The following NACC1 variants were observed in gnomAD, a reference collection of about 807,000 sequenced individuals.
NACC1 encodes the protein nucleus accumbens associated 1, also known as nucleus accumbens-associated protein 1.
NACC1 carries 6 observed loss-of-function variants against 41.7 expected under a neutral mutation model. The ratio of observed to expected loss-of-function variants is 0.14; its 90% CI spans 0.08 to 0.28. The LOEUF (loss-of-function observed/expected upper bound fraction) is 0.28, where lower values mean the gene tolerates loss of function less well. NACC1 is among the 10% of genes least tolerant of loss of function. NACC1 has a pLI of 1.00. For missense variants in NACC1, 434 were observed against 763.7 expected, an observed-to-expected ratio of 0.57 and a Z score of 5.09; for synonymous variants, 338 against 330.6, an observed-to-expected ratio of 1.02 and a Z score of -0.24.
intron 1 of NACC1, among the ~76,000 whole-genome samples, chr19:13,128,186 C>T (rs1157998431): frequency 2.6e-5 from 4 of 152,094 alleles, no homozygotes; most frequent in East Asian, 1.9e-4. Context: ...CAGGGAAGTC[C>T]GGGCCAAAGA....
intron 1 of NACC1, among the ~76,000 whole-genome samples, chr19:13,129,813 C>A (rs898902513): frequency 6.6e-6 from 1 of 152,072 alleles, no homozygotes; most frequent in East Asian, 1.9e-4. Context: ...CTTCCCAACC[C>A]CCACATCTCT....
At chr19:13,121,489 G>T (rs2019492596) in intron 1 of NACC1, among the ~76,000 whole-genome samples, 1 of 152,206 alleles carries the variant, frequency 6.6e-6, no homozygotes, top group African/African-American at 2.4e-5. Flanking sequence ...TGGCCGGGCA[G>T]CAGGGAGCCC....
chr19:13,126,737 G>A (rs532297922), intron 1 of NACC1, among the ~76,000 whole-genome samples: 46 of 152,290 alleles, frequency 3.0e-4, no homozygotes, highest in Non-Finnish European at 6.2e-4. Context: ...ATGCTTCTGA[G>A]CCCTATTCCT....
intron 1 of NACC1, among the ~76,000 whole-genome samples, chr19:13,128,903 C>T (rs552716750): frequency 6.6e-6 from 1 of 152,338 alleles, no homozygotes; most frequent in African/African-American, 2.4e-5. Flanking sequence ...CAGGAAGGTC[C>T]CAGCTGCCCT....
chr19:13,135,973 C>T lies in NACC1; in HGVS notation c.766C>T (p.Pro256Ser). The T allele has an allele frequency of 1.2e-6, 2 of 1,607,804 alleles. No homozygotes were observed. Among genetic ancestry groups the T allele is most frequent in the South Asian group, 2.2e-5 (2 of 90,044 alleles). The stretch of plus-strand genomic sequence containing the variant: ...AGCAGCAGGGGGTGTGGTGAGTGGG[C>T]CCAGCACGTCGGAGCGGACCAGCCC... ...VAAAGGVVSGPSTSERTSPGT... is the reference protein window; with the variant it reads ...VAAAGGVVSGSSTSERTSPGT... Residue 256 changes from proline (P) to serine (S), a missense_variant, in exon 2 of 6, where the codon CCC becomes TCC. By Grantham distance (74) the Pro-to-Ser change is moderately conservative (BLOSUM62 -1). Coordinates refer to ENST00000292431, the MANE Select transcript of NACC1 (RefSeq NM_052876.4).
In NACC1 at chr19:13,136,718, G is replaced by C. The variant is rs2019711879; in HGVS notation, c.1120+313G>C. Reference sequence around the variant, plus strand: ...ACTACCTAGGTTAGGAATTTGGACAGTCACAGGGGCGAATGCCTGTAGTCC... The same window carrying C: ...ACTACCTAGGTTAGGAATTTGGACACTCACAGGGGCGAATGCCTGTAGTCC... On this transcript the variant is annotated intron_variant, in intron 3 of 5. Transcript: ENST00000292431. This position sits in a 1 kb window ranked among gnomAD's most constrained non-coding sequence, Gnocchi z 5.5. Among the ~76,000 whole-genome samples the C allele has an allele frequency of 6.6e-6, 1 of 152,212 alleles. No homozygotes were observed. Among genetic ancestry groups the C allele is most frequent in the Non-Finnish European group, 1.5e-5 (1 of 68,038 alleles).
At position 13,138,577 on chromosome 19, in the gene NACC1, C is replaced by T. The variant is rs768130136; in HGVS notation, c.*171C>T. The T allele has an allele frequency of 2.6e-5, 26 of 997,864 alleles. No homozygotes were observed. The highest frequency in any genetic ancestry group is 1.5e-4 in the African/African-American group (9 of 61,742). The allele number at this position is 997,864 out of a possible 1,614,324, so 61.8% of individuals were successfully genotyped here. On this transcript the variant is annotated 3_prime_UTR_variant, in exon 6 of 6. Coordinates refer to ENST00000292431, the MANE Select transcript of NACC1 (RefSeq NM_052876.4). This position sits in a 1 kb window ranked among gnomAD's most constrained non-coding sequence, Gnocchi z 5.7. ...CCCCTTTCCCCACCGAGAGCTGGGC[C>T]GGGAGAGGACCGCAGGGCAGGTGGC...
intron 1 of NACC1, among the ~76,000 whole-genome samples, chr19:13,124,740 T>C (rs902238528): frequency 2.0e-5 from 3 of 152,096 alleles, no homozygotes; most frequent in Non-Finnish European, 2.9e-5. Flanking sequence ...TGGTCTCCCT[T>C]AACTGGCTTG....
intron 1 of NACC1, among the ~76,000 whole-genome samples, chr19:13,130,020 C>CTGGT (rs1459426526): frequency 2.0e-5 from 3 of 151,708 alleles, no homozygotes; most frequent in African/African-American, 4.8e-5. Context: ...GTTTGGTTGG[C>CTGGT]TGGTTGGTTG....
At chr19:13,134,116 C>T (rs1159003919) in intron 1 of NACC1, among the ~76,000 whole-genome samples, 2 of 152,078 alleles carry the variant, frequency 1.3e-5, no homozygotes, top group Non-Finnish European at 1.5e-5. Context: ...AGTATAGTGG[C>T]GCAATCACAG....
At chr19:13,126,642 A>C (rs1243589500) in intron 1 of NACC1, among the ~76,000 whole-genome samples, 1 of 152,068 alleles carries the variant, frequency 6.6e-6, no homozygotes, top group East Asian at 1.9e-4. Context: ...GTCAGGTAAC[A>C]CTGCGGTCTC....
At chr19:13,119,723 C>G (rs1217499686) in intron 1 of NACC1, among the ~76,000 whole-genome samples, 1 of 152,194 alleles carries the variant, frequency 6.6e-6, no homozygotes, top group Non-Finnish European at 1.5e-5. Flanking sequence ...GGGGTGAAGG[C>G]AGGGCACAGA....
At chr19:13,123,769 T>C (rs1022616100) in intron 1 of NACC1, among the ~76,000 whole-genome samples, 4 of 152,126 alleles carry the variant, frequency 2.6e-5, no homozygotes, top group African/African-American at 9.7e-5. Flanking sequence ...ACCTGTGAAA[T>C]GGGTCTAGTC....
chr19:13,128,054 A>G (rs1046196884), intron 1 of NACC1, among the ~76,000 whole-genome samples: 11 of 152,124 alleles, frequency 7.2e-5, no homozygotes, highest in African/African-American at 2.4e-4. Flanking sequence ...GAATCCAAGG[A>G]TCTGAATGAG....
chr19:13,137,441 C>G lies in NACC1; in HGVS notation c.1227-37C>G. On this transcript the variant is annotated intron_variant, in intron 4 of 5. Transcript: ENST00000292431. The surrounding 1 kb of genome is among the most constrained non-coding windows in gnomAD (Gnocchi z 6.1). ...TTCCCCATGTCCCCCCCACCACCAA[C>G]TTGAGCGCTGACTCCCTCCATGTCC... 1 of 1,611,192 alleles carries G rather than the reference C, an allele frequency of 6.2e-7. No homozygotes were observed. Among genetic ancestry groups the G allele is most frequent in the Non-Finnish European group, 8.5e-7 (1 of 1,178,588 alleles).
upstream of NACC1, chr19:13,117,121 T>A (rs2019395705): frequency 6.6e-6 from 1 of 152,266 alleles, no homozygotes; most frequent in Admixed American, 6.5e-5. Flanking sequence ...ACCTATTAAA[T>A]GAGAATCGTG....
intron 1 of NACC1, among the ~76,000 whole-genome samples, chr19:13,131,126 G>A (rs1048462151): frequency 6.6e-6 from 1 of 152,014 alleles, no homozygotes; most frequent in African/African-American, 2.4e-5. Context: ...AATCATCCCC[G>A]GTGTCTCCTC....
chr19:13,124,407 GA>G (rs567659345), intron 1 of NACC1, among the ~76,000 whole-genome samples: 2 of 150,234 alleles, frequency 1.3e-5, no homozygotes, highest in South Asian at 2.1e-4. Context: ...CAACAAAAAA[GA>G]AAAAAAAATA....
rs955197469 is a variant in NACC1 at position 13,118,323 on chromosome 19, G to GGCGGAGGCC, written c.-122_-114dup. On this transcript the variant is annotated 5_prime_UTR_variant, in exon 1 of 6. Transcript: ENST00000292431. ...CCGCCGCGGCTGCCGCTGCTGCTGA[G>GGCGGAGGCC]GCGGAGGCCGCGGAGGCCGCGGAGG... 20 of 147,418 alleles carry GGCGGAGGCC rather than the reference G, an allele frequency of 1.4e-4. No homozygotes were observed. Among genetic ancestry groups the GGCGGAGGCC allele is most frequent in the South Asian group, 6.2e-4 (3 of 4,822 alleles). 9.1% of individuals were successfully genotyped at this position (147,418 alleles called of 1,614,324 possible).
Sources: allele counts gnomAD v4.1 joint callset (sites outside exome capture counted in the v4.1 genomes callset), GRCh38; gene constraint gnomAD v4.1.1; non-coding constraint Gnocchi (gnomAD v3.1); transcripts MANE v1.5; gene names NCBI Gene and HGNC (gene_info 2026-07-23, HGNC 2026-07-21).